Variants in SRSF9 observed in about 807,000 individuals in gnomAD.
The protein encoded by SRSF9 is serine and arginine rich splicing factor 9.
A neutral mutation model predicts 25.9 loss-of-function variants in SRSF9; 3 were observed. The observed-to-expected ratio is 0.12, with a 90% CI of 0.05 to 0.30. The LOEUF (loss-of-function observed/expected upper bound fraction) is 0.30, where lower values mean the gene tolerates loss of function less well. Ranked by LOEUF, SRSF9 falls within the 10% of genes least tolerant of loss-of-function variation. The pLI is 1.00. For missense variants in SRSF9, 161 were observed against 303.5 expected (o/e 0.53, Z 3.49); for synonymous variants, 114 against 113.2 (o/e 1.01, Z -0.05).
At chr12:120,463,226 C>T (rs1391101973) in intron 3 of SRSF9, 4 of 152,116 alleles carry the variant, frequency 2.6e-5, no homozygotes, top group Admixed American at 1.3e-4. Context: ...CAAGGAAAGA[C>T]ATCAAGAACT....
rs1458620463 is a variant in SRSF9, at chr12:120,469,448, G to A, written c.162C>T (p.Phe54=). The A allele has an allele frequency of 1.9e-6, 3 of 1,588,062 alleles. No homozygotes were observed. The highest frequency in any genetic ancestry group is 1.4e-5 in the African/African-American group (1 of 72,416). ...ELKNRHGLVP[F]AFVRFEDPRD... Reference sequence around the variant, plus strand: ...GGGGGTCCTCGAAGCGCACGAAGGCGAAGGGCACGAGGCCGTGCCGGTTCT... The same window carrying A: ...GGGGGTCCTCGAAGCGCACGAAGGCAAAGGGCACGAGGCCGTGCCGGTTCT... The change falls in exon 1 of 4, where the codon TTC becomes TTT. Residue 54 remains phenylalanine (F), a synonymous_variant. Transcript: ENST00000229390.
chr12:120,468,857 G>C lies in SRSF9; in HGVS notation c.188+565C>G, dbSNP rs574058144. On this transcript the variant is annotated intron_variant, in intron 1 of 3. Transcript: ENST00000229390. ...GAAGTGAAATCAGAGCCCCACTCCG[G>C]CTGTTTTAGAAGTTTTCCCGAATCC... Among the ~76,000 whole-genome samples the C allele has an allele frequency of 5.9e-4, 90 of 152,320 alleles. 1 individual carries two copies. The South Asian group carries it at 0.018, about 30-fold the overall frequency.
At chr12:120,469,327 AGGCCGGGGGG>A in intron 1 of SRSF9, 85 bp downstream of exon 1, 6 of 691,274 alleles carry the variant, frequency 8.7e-6, no homozygotes, top group Non-Finnish European at 1.0e-5. Context: ...GGGGGAGGGG[AGGCCGGGGGG>A]AGGGGAGCCC....
At chr12:120,466,474 A>T (rs529994906) in intron 1 of SRSF9, among the ~76,000 whole-genome samples, 196 of 152,348 alleles carry the variant, frequency 1.3e-3, no homozygotes, top group African/African-American at 4.5e-3. Context: ...GTCTTTTAAA[A>T]AAATAAATAA....
In SRSF9 at chr12:120,461,987, A is replaced by G. The variant is rs1386719095; in HGVS notation, c.*32T>C. On this transcript the variant is annotated 3_prime_UTR_variant, in exon 4 of 4. Coordinates refer to ENST00000229390, the MANE Select transcript of SRSF9 (RefSeq NM_003769.3). ...GAGCACAAAGCAGCTCAGTTAACCT[A>G]AAAAATAAAGAAAAAATTCCCATCA... 6.3e-6 allele frequency: 10 copies of G among 1,581,804 alleles called. No individual in the cohort carries two copies. The highest frequency in any genetic ancestry group is 1.4e-5 in the African/African-American group (1 of 73,770).
At chr12:120,468,771 C>T (rs1280761084) in intron 1 of SRSF9, among the ~76,000 whole-genome samples, 2 of 152,218 alleles carry the variant, frequency 1.3e-5, no homozygotes, top group East Asian at 3.8e-4. Context: ...GGTTAGGAAT[C>T]TAGAGTTTCC....
intron 3 of SRSF9, chr12:120,463,693 T>G (rs187091912): frequency 7.6e-5 from 26 of 342,110 alleles, no homozygotes; most frequent in African/African-American, 5.0e-4. Flanking sequence ...ACAAATACCA[T>G]GACCAAACTG....
intron 1 of SRSF9, among the ~76,000 whole-genome samples, chr12:120,467,111 A>G (rs1399539567): frequency 6.6e-6 from 1 of 152,164 alleles, no homozygotes; most frequent in Non-Finnish European, 1.5e-5. Flanking sequence ...AGATTTTAGA[A>G]CTAAAAGCAA....
rs1176906562 is a variant in SRSF9, at chr12:120,462,028, C to T, written c.657G>A (p.Arg219=). ...ATTCCCATCACCTGTCTCAGTAGGG[C>T]CTGAAAGGAGAGAAGTAGTGTGGGG... ...RGSPHYFSPF[R]PY is the part of the protein sequence containing the mutation. Residue 219 remains arginine (R), a synonymous_variant, in exon 4 of 4, where the codon AGG becomes AGA. Transcript: ENST00000229390. The T allele has an allele frequency of 6.2e-6, 10 of 1,610,038 alleles. No individual in the cohort carries two copies. The highest frequency in any genetic ancestry group is 1.3e-5 in the African/African-American group (1 of 74,688).
chr12:120,467,147 G>A (rs915193178), intron 1 of SRSF9, among the ~76,000 whole-genome samples: 4 of 152,066 alleles, frequency 2.6e-5, no homozygotes. Context: ...GTGCAACCTT[G>A]ACTACGTAAA....
intron 2 of SRSF9, 197 bp downstream of exon 2, chr12:120,465,430 A>T: frequency 2.1e-6 from 1 of 480,800 alleles, no homozygotes; most frequent in Non-Finnish European, 3.5e-6. Context: ...TGTTCTTCCA[A>T]GGCTGCACTC....
chr12:120,465,399 C>G (rs1878459878), intron 2 of SRSF9: 1 of 385,806 alleles, frequency 2.6e-6, no homozygotes, highest in South Asian at 8.1e-5. Context: ...CTAGAAAACT[C>G]CTTTACAAGA....
rs376520463 is a variant in SRSF9 at position 120,461,983 on chromosome 12, A to G, written c.*36T>C. 14 of 1,578,206 alleles carry G rather than the reference A, an allele frequency of 8.9e-6. No homozygotes were observed. The African/African-American group carries it at 1.9e-4, about 21-fold the overall frequency. On this transcript the variant is annotated 3_prime_UTR_variant, in exon 4 of 4. Transcript: ENST00000229390. ...TTCTGAGCACAAAGCAGCTCAGTTA[A>G]CCTAAAAAATAAAGAAAAAATTCCC... is the stretch of plus-strand genomic sequence containing the variant.
At chr12:120,462,623 A>C (rs1878381484) in intron 3 of SRSF9, 1 of 153,044 alleles carries the variant, frequency 6.5e-6, no homozygotes, top group Non-Finnish European at 1.5e-5. Flanking sequence ...TAGATGCTTT[A>C]GACGTTATCC....
Position 120,465,807 on chromosome 12 carries a change from C to CA in SRSF9, c.189-21dup, listed in dbSNP as rs750811244. The CA allele has an allele frequency of 5.9e-5, 92 of 1,557,126 alleles. No homozygotes were observed. Among genetic ancestry groups the CA allele is most frequent in the South Asian group, 3.6e-4 (29 of 79,928 alleles). On this transcript the variant is annotated intron_variant, in intron 1 of 3. Transcript: ENST00000229390. ...GCATCTCTAAAAAAAACAACAACAA[C>CA]AAAAAAAACGTTTGGAGTTAGTGCT...
chr12:120,468,881 C>G (rs923037821), intron 1 of SRSF9, among the ~76,000 whole-genome samples: 2 of 152,222 alleles, frequency 1.3e-5, no homozygotes, highest in African/African-American at 4.8e-5. Flanking sequence ...TTTCCCGAAT[C>G]CGTGATCCCT....
intron 2 of SRSF9, 103 bp from the exon 3 acceptor site, chr12:120,464,225 C>T (rs542748315): frequency 3.8e-6 from 5 of 1,315,624 alleles, no homozygotes; most frequent in Middle Eastern, 2.8e-4. Context: ...TCACTTAAAT[C>T]CTGAGGGTCC....
intron 2 of SRSF9, 91 bp from the exon 3 acceptor site, chr12:120,464,213 G>A: frequency 7.0e-7 from 1 of 1,426,028 alleles, no homozygotes; most frequent in Non-Finnish European, 9.4e-7. Context: ...CTTTCTCCAT[G>A]ATCACTTAAA....
chr12:120,462,372 A>G (rs1218093855), intron 3 of SRSF9: 5 of 468,396 alleles, frequency 1.1e-5, no homozygotes, highest in Non-Finnish European at 1.5e-5. Flanking sequence ...TTAAGACTTA[A>G]GTTATATCAT....
Sources: gnomAD v4.1 joint callset for allele counts (sites outside exome capture counted in the v4.1 genomes callset) on GRCh38, gnomAD v4.1.1 for gene constraint, MANE v1.5 for transcripts, NCBI Gene and HGNC (gene_info 2026-07-23, HGNC 2026-07-21) for gene names.